EBF1: variants seen among roughly 807,000 people sequenced by gnomAD.
The protein encoded by EBF1 is transcription factor COE1.
Under a neutral mutation model 68.4 loss-of-function variants are expected in EBF1, and 10 were observed. The observed-to-expected ratio is 0.15, with a 90% CI of 0.09 to 0.25. The LOEUF (loss-of-function observed/expected upper bound fraction) is 0.25. Ranked by LOEUF, EBF1 falls within the 10% of genes least tolerant of loss-of-function variation. The pLI, the probability that EBF1 is intolerant of heterozygous loss-of-function variation, is 1.00. For missense variants in EBF1, 509 were observed against 794.4 expected, an observed-to-expected ratio of 0.64 and a Z score of 4.32; for synonymous variants, 298 against 299.8, an observed-to-expected ratio of 0.99 and a Z score of 0.06.
chr5:159,075,397 T>C (rs912732147), intron 5 of EBF1, among the ~76,000 whole-genome samples: 1 of 152,170 alleles, frequency 6.6e-6, no homozygotes, highest in Non-Finnish European at 1.5e-5. Flanking sequence ...CCTTTACCCA[T>C]GGAGGAAAAC....
At chr5:158,759,567 G>T (rs1770939814) in intron 10 of EBF1, among the ~76,000 whole-genome samples, 1 of 152,182 alleles carries the variant, frequency 6.6e-6, no homozygotes, top group South Asian at 2.1e-4. Context: ...AAAGTCCACA[G>T]ATGCTTGGAA....
intron 10 of EBF1, among the ~76,000 whole-genome samples, chr5:158,764,876 A>C (rs1772316351): frequency 6.6e-6 from 1 of 152,146 alleles, no homozygotes; most frequent in Non-Finnish European, 1.5e-5. Context: ...GGCTTAAATG[A>C]CCATAAGTGA....
intron 10 of EBF1, 73 bp downstream of exon 10, chr5:158,777,340 T>C (rs1775498695): frequency 7.0e-7 from 1 of 1,425,460 alleles, no homozygotes; most frequent in Non-Finnish European, 9.3e-7. Context: ...CATGCTTTTA[T>C]ACAGACAAGA....
intron 10 of EBF1, among the ~76,000 whole-genome samples, chr5:158,746,124 A>G (rs1767506845): frequency 6.6e-6 from 1 of 152,134 alleles, no homozygotes; most frequent in Admixed American, 6.6e-5. Context: ...CTTGTCTGAG[A>G]GCTGCAAATG....
chr5:158,864,035 C>T (rs1425413560), intron 6 of EBF1, among the ~76,000 whole-genome samples: 2 of 151,516 alleles, frequency 1.3e-5, no homozygotes, highest in East Asian at 1.9e-4. Flanking sequence ...AGTTTGAGAC[C>T]AGCCTGGCCA....
chr5:159,006,314 T>A (rs1763528259), intron 6 of EBF1, among the ~76,000 whole-genome samples: 1 of 152,088 alleles, frequency 6.6e-6, no homozygotes, highest in African/African-American at 2.4e-5. Context: ...AGTGATAATT[T>A]CCACTGGAGT....
At chr5:159,094,180 A>C (rs1276760766) in intron 4 of EBF1, among the ~76,000 whole-genome samples, 1 of 147,466 alleles carries the variant, frequency 6.8e-6, no homozygotes, top group African/African-American at 2.5e-5. Flanking sequence ...AAAAAAAAAA[A>C]AAAAAAAAAA....
chr5:159,066,477 G>T (rs1198517252), intron 6 of EBF1, among the ~76,000 whole-genome samples: 1 of 152,068 alleles, frequency 6.6e-6, no homozygotes, highest in East Asian at 1.9e-4. Flanking sequence ...ACATTTCATA[G>T]ATGGAACGCC....
rs1768444955 is a variant in EBF1 at position 159,029,978 on chromosome 5, A to C, written c.554+43418T>G. Among the ~76,000 whole-genome samples, 4 of 151,988 alleles carry C rather than the reference A, an allele frequency of 2.6e-5. No homozygotes were observed. The South Asian group carries it at 8.3e-4, about 32-fold the overall frequency. ...CTTCTAAAAAAAAAAAAAACTATAAATATGAATATGTTCATCAGTATTATT... is the reference window on the plus strand; with the variant it reads ...CTTCTAAAAAAAAAAAAAACTATAACTATGAATATGTTCATCAGTATTATT... On this transcript the variant is annotated intron_variant, in intron 6 of 15. Coordinates refer to ENST00000313708, the MANE Select transcript of EBF1 (RefSeq NM_024007.5).
chr5:158,708,081 T>C lies in EBF1; in HGVS notation c.1642A>G (p.Met548Val). The C allele has an allele frequency of 1.9e-6, 3 of 1,575,660 alleles. No individual in the cohort carries two copies. Among genetic ancestry groups the C allele is most frequent in the Non-Finnish European group, 2.6e-6 (3 of 1,159,796 alleles). The change falls in exon 15 of 16, where the codon ATG (methionine) becomes GTG (valine). Residue 548 changes from methionine to valine, a missense_variant. By Grantham distance (21) the Met-to-Val change is conservative (BLOSUM62 1). Transcript: ENST00000313708. The part of the protein sequence containing the change: ...SGIFSFSPAN[M>V]VSAVKQKSAF... ...CTCTTCTGTTTCACGGCTGAGACCA[T>C]GTTGGCTGGTGAGAAGGAGAAGATG...
intron 6 of EBF1, among the ~76,000 whole-genome samples, chr5:158,920,972 C>T (rs1426973877): frequency 6.6e-6 from 1 of 152,164 alleles, no homozygotes; most frequent in Non-Finnish European, 1.5e-5. Flanking sequence ...CATATGGGAA[C>T]CTAGCTTGGG....
At chr5:158,989,868 G>T (rs563974113) in intron 6 of EBF1, among the ~76,000 whole-genome samples, 1 of 152,160 alleles carries the variant, frequency 6.6e-6, no homozygotes, top group Non-Finnish European at 1.5e-5. Flanking sequence ...AAGTGCTATG[G>T]AGTGCATTAT....
At chr5:159,040,494 G>T (rs1770972620) in intron 6 of EBF1, among the ~76,000 whole-genome samples, 1 of 152,120 alleles carries the variant, frequency 6.6e-6, no homozygotes, top group Admixed American at 6.5e-5. Context: ...TTTCATTTTA[G>T]TTTCGTCTGA....
intron 6 of EBF1, among the ~76,000 whole-genome samples, chr5:158,988,153 C>T (rs1054140498): frequency 3.3e-5 from 5 of 152,296 alleles, no homozygotes; most frequent in South Asian, 4.2e-4. Context: ...GTCACAAAGA[C>T]GGAAGAAACT....
intron 6 of EBF1, among the ~76,000 whole-genome samples, chr5:158,946,424 C>A (rs1483159304): frequency 6.6e-6 from 1 of 152,258 alleles, no homozygotes; most frequent in Non-Finnish European, 1.5e-5. Context: ...GTTAGTTTTC[C>A]TTCTAACAGT....
chr5:158,957,985 T>C (rs1817477141), intron 6 of EBF1, among the ~76,000 whole-genome samples: 1 of 151,978 alleles, frequency 6.6e-6, no homozygotes, highest in African/African-American at 2.4e-5. Context: ...TAAGAAAACG[T>C]AAAGAAAAAG....
chr5:158,731,129 A>G lies in EBF1; in HGVS notation c.1065T>C (p.Gly355=), dbSNP rs772422154. 1.2e-6 allele frequency: 2 copies of G among 1,614,056 alleles called. No homozygotes were observed. The change falls in exon 11 of 16, where the codon GGT becomes GGC. Residue 355 remains glycine (G), a synonymous_variant. Coordinates refer to ENST00000313708, the MANE Select transcript of EBF1 (RefSeq NM_024007.5). ...GAATGACCTTCTGTAACCTCTGGAA[A>G]CCATAATCGATGGTGGGTTCGTTGA... is the stretch of plus-strand genomic sequence containing the variant. ...TALNEPTIDY[G]FQRLQKVIPR...
intron 10 of EBF1, among the ~76,000 whole-genome samples, chr5:158,737,307 G>A (rs1302596394): frequency 1.0e-5 from 1 of 98,898 alleles, no homozygotes; most frequent in South Asian, 3.4e-4. Flanking sequence ...TTTTTGAGAC[G>A]GAGTCTCGCT....
intron 6 of EBF1, among the ~76,000 whole-genome samples, chr5:158,995,444 G>A (rs1761208699): frequency 6.6e-6 from 1 of 152,154 alleles, no homozygotes; most frequent in Admixed American, 6.5e-5. Context: ...AGCAGCAAAT[G>A]CACAGGTGTC....
Sources: allele counts gnomAD v4.1 joint callset (sites outside exome capture counted in the v4.1 genomes callset), GRCh38; gene constraint gnomAD v4.1.1; transcripts MANE v1.5; gene names NCBI Gene and HGNC (gene_info 2026-07-23, HGNC 2026-07-21).